TBC1D5: variants seen among roughly 807,000 people sequenced by gnomAD.
TBC1D5 encodes the protein TBC1 domain family, member 5.
A neutral mutation model predicts 100.3 loss-of-function variants in TBC1D5; 75 were observed. The observed-to-expected ratio is 0.75, with a 90% CI of 0.62 to 0.91. The LOEUF (loss-of-function observed/expected upper bound fraction) is 0.91, where lower values mean the gene tolerates loss of function less well. TBC1D5 is among the 40% of genes least tolerant of loss of function. TBC1D5 has a pLI of 0.00. For synonymous variants in TBC1D5, 323 were observed against 325.6 expected, an observed-to-expected ratio of 0.99 and a Z score of 0.09; for missense variants, 910 against 942.4, an observed-to-expected ratio of 0.97 and a Z score of 0.45.
At chr3:17,339,432 C>G (rs1245886771) in intron 13 of TBC1D5, among the ~76,000 whole-genome samples, 1 of 152,184 alleles carries the variant, frequency 6.6e-6, no homozygotes, top group Admixed American at 6.5e-5. Flanking sequence ...GGCATCCGGT[C>G]TGACTGGGGA....
chr3:17,385,616 C>T (rs1006882533), intron 8 of TBC1D5, among the ~76,000 whole-genome samples: 1 of 151,844 alleles, frequency 6.6e-6, no homozygotes, highest in Non-Finnish European at 1.5e-5. Flanking sequence ...AATTAAGGTC[C>T]ATTTTACATT....
In TBC1D5 at chr3:17,372,302, T is replaced by C. The variant is rs555312579; in HGVS notation, c.823-55A>G. 200 of 1,438,530 alleles carry C rather than the reference T, an allele frequency of 1.4e-4. 1 individual carries two copies. Among genetic ancestry groups the C allele is most frequent in the Middle Eastern group, 5.9e-4 (3 of 5,100 alleles). The allele number at this position is 1,438,530 out of a possible 1,614,324, so 89.1% of individuals were successfully genotyped here. On this transcript the variant is annotated intron_variant, in intron 12 of 21. Coordinates refer to ENST00000253692, the Ensembl canonical transcript of TBC1D5. ...TTTAAATATGAAATTAATAAATATATGGATGTCATTCTTTATCAATGACAG... is the reference window on the plus strand; with the variant it reads ...TTTAAATATGAAATTAATAAATATACGGATGTCATTCTTTATCAATGACAG...
intron 2 of TBC1D5, among the ~76,000 whole-genome samples, chr3:17,570,172 A>G (rs2096618070): frequency 6.6e-6 from 1 of 151,990 alleles, no homozygotes; most frequent in Admixed American, 6.6e-5. Context: ...TCCATCCAGT[A>G]AGTTAACTGG....
At chr3:17,461,168 G>A (rs1443449908) in intron 3 of TBC1D5, among the ~76,000 whole-genome samples, 1 of 152,140 alleles carries the variant, frequency 6.6e-6, no homozygotes, top group Non-Finnish European at 1.5e-5. Context: ...GGTAGTTTAT[G>A]GTACGTATTA....
rs117610961 is a variant in TBC1D5, at chr3:17,306,889, T to C, written c.1138+1103A>G. Among the ~76,000 whole-genome samples, 24 of 152,296 alleles carry C rather than the reference T, an allele frequency of 1.6e-4. No homozygotes were observed. In the East Asian group the frequency reaches 4.2e-3, roughly 27 times the overall value. On this transcript the variant is annotated intron_variant, in intron 14 of 21. Transcript: ENST00000253692. ...CTTTCTCTACTTTCCTGATGTTTCC[T>C]CTTACGACTTCCATGTTCTTAAATG...
intron 2 of TBC1D5, among the ~76,000 whole-genome samples, chr3:17,564,146 T>A (rs1165922532): frequency 6.6e-6 from 1 of 152,098 alleles, no homozygotes; most frequent in African/African-American, 2.4e-5. Context: ...AAACATGGAG[T>A]ACTTATACAT....
At chr3:17,516,006 T>A (rs1245233855) in intron 2 of TBC1D5, among the ~76,000 whole-genome samples, 2 of 152,192 alleles carry the variant, frequency 1.3e-5, no homozygotes, top group Non-Finnish European at 2.9e-5. Context: ...CTTCAGTACC[T>A]CACTGAGGGA....
chr3:17,302,026 A>T (rs2082893041), intron 14 of TBC1D5, among the ~76,000 whole-genome samples: 2 of 152,202 alleles, frequency 1.3e-5, no homozygotes, highest in South Asian at 4.1e-4. Flanking sequence ...ACAGAAATTT[A>T]CTGTTTCACA....
chr3:17,301,650 A>C (rs1291102647), intron 14 of TBC1D5, among the ~76,000 whole-genome samples: 1 of 152,228 alleles, frequency 6.6e-6, no homozygotes, highest in Non-Finnish European at 1.5e-5. Flanking sequence ...ATAGAGTATG[A>C]CTAATGTAGC....
intron 18 of TBC1D5, among the ~76,000 whole-genome samples, chr3:17,196,934 C>A (rs1377238993): frequency 1.3e-5 from 2 of 152,210 alleles, no homozygotes; most frequent in Admixed American, 6.5e-5. Flanking sequence ...TGCTTACACA[C>A]AACATCATCC....
intron 2 of TBC1D5, among the ~76,000 whole-genome samples, chr3:17,517,283 T>C (rs914496359): frequency 3.3e-5 from 5 of 152,156 alleles, no homozygotes; most frequent in South Asian, 2.1e-4. Flanking sequence ...CATCCACTTA[T>C]AGGAAAAAGA....
intron 15 of TBC1D5, among the ~76,000 whole-genome samples, chr3:17,282,059 G>C (rs1032126089): frequency 6.6e-6 from 1 of 152,148 alleles, no homozygotes; most frequent in Non-Finnish European, 1.5e-5. Context: ...TAGCTAGGTA[G>C]TCACAGCACT....
chr3:17,431,248 C>T (rs2094442968), intron 3 of TBC1D5, among the ~76,000 whole-genome samples: 1 of 151,854 alleles, frequency 6.6e-6, no homozygotes, highest in African/African-American at 2.4e-5. Context: ...AACAAAGATG[C>T]ATCATACACA....
intron 3 of TBC1D5, among the ~76,000 whole-genome samples, chr3:17,437,562 A>ATGTGTGTGTG (rs60714048): frequency 7.1e-6 from 1 of 140,074 alleles, no homozygotes; most frequent in Admixed American, 7.1e-5. Flanking sequence ...GGTAGTATGC[A>ATGTGTGTGTG]TGTGTGTGTG....
At chr3:17,550,615 C>T (rs1000758364) in intron 2 of TBC1D5, among the ~76,000 whole-genome samples, 1 of 151,182 alleles carries the variant, frequency 6.6e-6, no homozygotes, top group African/African-American at 2.4e-5. Flanking sequence ...AAGAAGCACT[C>T]TAATCTACAA....
intron 18 of TBC1D5, among the ~76,000 whole-genome samples, chr3:17,203,896 C>T (rs2071801914): frequency 6.6e-6 from 1 of 152,176 alleles, no homozygotes; most frequent in African/African-American, 2.4e-5. Context: ...CCCTAGCCTT[C>T]AACTGACTGT....
chr3:17,459,334 A>C (rs2095156076), intron 3 of TBC1D5, among the ~76,000 whole-genome samples: 1 of 152,146 alleles, frequency 6.6e-6, no homozygotes, highest in South Asian at 2.1e-4. Flanking sequence ...AGGAGTGTGC[A>C]ACCCACATCC....
intron 1 of TBC1D5, among the ~76,000 whole-genome samples, chr3:17,668,087 A>G (rs946206363): frequency 3.5e-4 from 53 of 150,014 alleles, no homozygotes; most frequent in African/African-American, 1.2e-3. Flanking sequence ...TAATAAAGGC[A>G]TTCCACTAAA....
At chr3:17,508,396 TG>T in intron 3 of TBC1D5, 77 bp downstream of exon 3, 1 of 1,088,998 alleles carries the variant, frequency 9.2e-7, no homozygotes, top group Non-Finnish European at 1.4e-6. Context: ...ACACATAAGG[TG>T]GACACAGCTA....
Sources: gnomAD v4.1 joint callset for allele counts (sites outside exome capture counted in the v4.1 genomes callset) on GRCh38, gnomAD v4.1.1 for gene constraint, MANE v1.5 for transcripts, NCBI Gene and HGNC (gene_info 2026-07-23, HGNC 2026-07-21) for gene names.